The following ATG5 variants were observed in gnomAD, a reference collection of about 807,000 sequenced individuals.
ATG5 encodes the protein autophagy protein 5.
A neutral mutation model predicts 36.5 loss-of-function variants in ATG5; 14 were observed. The observed-to-expected ratio is 0.38, with a 90% CI of 0.25 to 0.60. ATG5 has a LOEUF of 0.60. ATG5 is among the 20% of genes least tolerant of loss of function. The pLI is 0.60. For synonymous variants in ATG5, 95 were observed against 101.5 expected (o/e 0.94, Z 0.38); for missense variants, 195 against 326.7 (o/e 0.60, Z 3.11).
At chr6:106,273,800 T>C (rs565200568) in intron 5 of ATG5, among the ~76,000 whole-genome samples, 38 of 152,296 alleles carry the variant, frequency 2.5e-4, no homozygotes, top group South Asian at 6.2e-4. Context: ...CACCAGTCTA[T>C]ATCACACAAA....
intron 7 of ATG5, among the ~76,000 whole-genome samples, chr6:106,197,644 C>A (rs1369058338): frequency 6.6e-6 from 1 of 152,068 alleles, no homozygotes; most frequent in African/African-American, 2.4e-5. Context: ...AAGCCTGGCA[C>A]CACCCTGCTC....
intron 3 of ATG5, 126 bp downstream of exon 3, chr6:106,308,238 A>G (rs1004795682): frequency 2.7e-6 from 2 of 740,900 alleles, no homozygotes; most frequent in South Asian, 1.1e-4. Context: ...TAAACTTCAC[A>G]TATTGTATGA....
At chr6:106,245,482 C>A (rs1162238937) in intron 6 of ATG5, among the ~76,000 whole-genome samples, 1 of 152,086 alleles carries the variant, frequency 6.6e-6, no homozygotes, top group Admixed American at 6.6e-5. Context: ...TTCCATTTTT[C>A]ATTTGTTCAC....
intron 2 of ATG5, among the ~76,000 whole-genome samples, chr6:106,310,994 T>C (rs984967826): frequency 6.6e-6 from 1 of 152,232 alleles, no homozygotes; most frequent in South Asian, 2.1e-4. Context: ...TTTTTATCTA[T>C]ACAGCTTAAA....
chr6:106,209,535 C>T (rs1025037487), intron 6 of ATG5, among the ~76,000 whole-genome samples: 1 of 152,118 alleles, frequency 6.6e-6, no homozygotes, highest in Non-Finnish European at 1.5e-5. Flanking sequence ...GGAAGAAATG[C>T]AGTAAGGTAG....
chr6:106,306,712 G>A (rs1238065560), intron 3 of ATG5, among the ~76,000 whole-genome samples: 2 of 152,184 alleles, frequency 1.3e-5, no homozygotes, highest in East Asian at 3.8e-4. Context: ...AATGTCAAGT[G>A]CATACATACA....
chr6:106,214,316 G>A (rs887550097), intron 6 of ATG5, among the ~76,000 whole-genome samples: 2 of 152,130 alleles, frequency 1.3e-5, no homozygotes, highest in Non-Finnish European at 2.9e-5. Context: ...AGGGGGAACA[G>A]AGAGGGGAGT....
intron 3 of ATG5, among the ~76,000 whole-genome samples, chr6:106,297,215 CT>C (rs962136656): frequency 6.6e-5 from 10 of 152,212 alleles, no homozygotes; most frequent in African/African-American, 2.4e-4. Context: ...TGGACCATTT[CT>C]TTTTACTAAA....
intron 6 of ATG5, among the ~76,000 whole-genome samples, chr6:106,238,301 C>T (rs1777977934): frequency 6.6e-6 from 1 of 152,164 alleles, no homozygotes; most frequent in African/African-American, 2.4e-5. Context: ...TACTTTTAAG[C>T]ACAGATTCTC....
intron 7 of ATG5, among the ~76,000 whole-genome samples, chr6:106,196,863 GA>G (rs1170820488): frequency 1.1e-4 from 16 of 150,826 alleles, no homozygotes; most frequent in Admixed American, 2.0e-4. Context: ...TGGCAACCAT[GA>G]AATAAAAATG....
chr6:106,287,691 C>G (rs1195723176), intron 4 of ATG5, among the ~76,000 whole-genome samples: 1 of 152,100 alleles, frequency 6.6e-6, no homozygotes, highest in African/African-American at 2.4e-5. Context: ...TTTAAAGACC[C>G]CACTATTTTC....
At chr6:106,320,313 A>G (rs914054278) in intron 1 of ATG5, among the ~76,000 whole-genome samples, 4 of 152,220 alleles carry the variant, frequency 2.6e-5, no homozygotes, top group Non-Finnish European at 5.9e-5. Context: ...AATACATCCT[A>G]TAGTGTTCAA....
At chr6:106,216,307 C>T (rs1016013965) in intron 6 of ATG5, among the ~76,000 whole-genome samples, 2 of 152,176 alleles carry the variant, frequency 1.3e-5, no homozygotes, top group Non-Finnish European at 2.9e-5. Context: ...TAAATATTAA[C>T]TGCAGCTTTT....
At chr6:106,284,148 T>C (rs1342264452) in intron 4 of ATG5, among the ~76,000 whole-genome samples, 1 of 152,214 alleles carries the variant, frequency 6.6e-6, no homozygotes, top group African/African-American at 2.4e-5. Context: ...CGCAAGTTAT[T>C]TCCCTATTTT....
At chr6:106,222,762 G>A (rs1777300533) in intron 6 of ATG5, among the ~76,000 whole-genome samples, 2 of 152,182 alleles carry the variant, frequency 1.3e-5, no homozygotes, top group Admixed American at 6.5e-5. Flanking sequence ...AGGTAACCCT[G>A]AGCAAGTTTC....
At chr6:106,240,292 G>A (rs1778069238) in intron 6 of ATG5, among the ~76,000 whole-genome samples, 1 of 149,504 alleles carries the variant, frequency 6.7e-6, no homozygotes, top group Non-Finnish European at 1.5e-5. Context: ...CAATGTGTTT[G>A]ACGGTAAAAG....
chr6:106,199,745 T>G, intron 7 of ATG5, among the ~76,000 whole-genome samples: 1 of 152,218 alleles, frequency 6.6e-6, no homozygotes, highest in East Asian at 1.9e-4. Flanking sequence ...TAAGATAGTA[T>G]TATAATCAAC....
At position 106,297,673 on chromosome 6, in the gene ATG5, A is replaced by G. The variant is rs186507618; in HGVS notation, c.237-4567T>C. Among the ~76,000 whole-genome samples, 3 of 151,510 alleles carry G rather than the reference A, an allele frequency of 2.0e-5. No homozygotes were observed. The East Asian group carries it at 5.8e-4, about 29-fold the overall frequency. On this transcript the variant is annotated intron_variant, in intron 3 of 7. Coordinates refer to ENST00000369076, the MANE Select transcript of ATG5 (RefSeq NM_004849.4). ...ATTTCTAATAAAGTTGTTATACACT[A>G]TTCCTTTATTCTAAATTCTCTAAAT...
At chr6:106,314,303 TC>T (rs1770759860) in intron 2 of ATG5, among the ~76,000 whole-genome samples, 1 of 152,196 alleles carries the variant, frequency 6.6e-6, no homozygotes, top group South Asian at 2.1e-4. Context: ...ATGCCTGTAA[TC>T]CGGGCATTTT....
Sources: gnomAD v4.1 joint callset for allele counts (sites outside exome capture counted in the v4.1 genomes callset) on GRCh38, gnomAD v4.1.1 for gene constraint, MANE v1.5 for transcripts, NCBI Gene and HGNC (gene_info 2026-07-23, HGNC 2026-07-21) for gene names.